Variants in RBFOX1 observed in about 807,000 individuals in gnomAD.
RBFOX1 encodes RNA binding protein fox-1 homolog 1.
Under a neutral mutation model 57.7 loss-of-function variants are expected in RBFOX1, and 8 were observed. The observed-to-expected ratio is 0.14, with a 90% CI of 0.08 to 0.25. RBFOX1 has a LOEUF of 0.25. RBFOX1 is among the 10% of genes least tolerant of loss of function. The pLI is 1.00. For synonymous variants in RBFOX1, 326 were observed against 222.4 expected, an observed-to-expected ratio of 1.47 and a Z score of -4.15; for missense variants, 611 against 548.5, an observed-to-expected ratio of 1.11 and a Z score of -1.14.
At chr16:7,262,780 G>C (rs528439838) in intron 4 of RBFOX1, among the ~76,000 whole-genome samples, 3 of 152,394 alleles carry the variant, frequency 2.0e-5, no homozygotes, top group Admixed American at 1.3e-4. Context: ...AAAGGCAGTT[G>C]TAAGCTCAGG....
intron 4 of RBFOX1, among the ~76,000 whole-genome samples, chr16:7,356,000 C>G (rs2097208221): frequency 6.6e-6 from 1 of 152,194 alleles, no homozygotes; most frequent in Non-Finnish European, 1.5e-5. Flanking sequence ...GGCCCATGCA[C>G]TGTGCTTTAT....
intron 4 of RBFOX1, among the ~76,000 whole-genome samples, chr16:7,201,908 G>C (rs1452708102): frequency 6.6e-6 from 1 of 152,208 alleles, no homozygotes; most frequent in Non-Finnish European, 1.5e-5. Context: ...TGGCAGAGGA[G>C]ATGTACGAGG....
intron 4 of RBFOX1, among the ~76,000 whole-genome samples, chr16:7,374,253 A>G (rs557661122): frequency 2.0e-5 from 3 of 152,282 alleles, no homozygotes; most frequent in South Asian, 4.1e-4. Flanking sequence ...CACATTTCTT[A>G]TCTTTTTCTG....
chr16:7,609,410 A>G (rs890804935), intron 10 of RBFOX1, among the ~76,000 whole-genome samples: 2 of 152,166 alleles, frequency 1.3e-5, no homozygotes, highest in Admixed American at 1.3e-4. Context: ...GTGGGTGTTG[A>G]GGAGGACATT....
chr16:7,588,369 G>C (rs1442774021), intron 7 of RBFOX1, among the ~76,000 whole-genome samples: 1 of 152,186 alleles, frequency 6.6e-6, no homozygotes, highest in Non-Finnish European at 1.5e-5. Context: ...AAACTCCCAA[G>C]TTAGGGCTCA....
intron 14 of RBFOX1, among the ~76,000 whole-genome samples, chr16:7,689,634 T>C (rs1172526994): frequency 6.6e-6 from 1 of 151,934 alleles, no homozygotes; most frequent in African/African-American, 2.4e-5. Context: ...GTTGGAGAAA[T>C]TTTGGAGTGG....
intron 3 of RBFOX1, among the ~76,000 whole-genome samples, chr16:6,987,119 G>A (rs2090461690): frequency 6.6e-6 from 1 of 152,022 alleles, no homozygotes; most frequent in South Asian, 2.1e-4. Context: ...GTCTTGTGTG[G>A]GTGTAGTGGG....
chr16:6,506,069 A>T (rs964514254), intron 2 of RBFOX1, among the ~76,000 whole-genome samples: 1 of 152,222 alleles, frequency 6.6e-6, no homozygotes, highest in Non-Finnish European at 1.5e-5. Flanking sequence ...GCAGTTAGCA[A>T]AGGTGCACCC....
intron 2 of RBFOX1, among the ~76,000 whole-genome samples, chr16:6,617,140 A>T (rs750705230): frequency 6.6e-6 from 1 of 152,066 alleles, no homozygotes; most frequent in Admixed American, 6.5e-5. Context: ...AAGTGGTACA[A>T]GGAGAGGTCC....
chr16:7,199,129 T>C (rs904824738), intron 4 of RBFOX1, among the ~76,000 whole-genome samples: 1 of 152,162 alleles, frequency 6.6e-6, no homozygotes, highest in African/African-American at 2.4e-5. Flanking sequence ...CAGCTCACAA[T>C]GTTAGGGACT....
At chr16:5,854,912 C>G (rs2056986441) in intron 3 of RBFOX1, among the ~76,000 whole-genome samples, 2 of 152,096 alleles carry the variant, frequency 1.3e-5, no homozygotes, top group African/African-American at 2.4e-5. Context: ...TTTTGGTAAC[C>G]CAGCCTAACA....
At chr16:6,481,783 A>G in intron 2 of RBFOX1, among the ~76,000 whole-genome samples, 1 of 152,338 alleles carries the variant, frequency 6.6e-6, no homozygotes, top group Middle Eastern at 3.4e-3. Flanking sequence ...CTTTATGGTT[A>G]TCTCAGCATC....
rs367922292 is a variant in RBFOX1 at position 6,967,425 on chromosome 16, A to G, written c.-15-84632A>G. ...GGGAAGGCCAGTTGAAGCCAGTTCC[A>G]AAAAGTAATGACATTTGGAGCTAGG... is the stretch of plus-strand genomic sequence containing the variant. On this transcript the variant is annotated intron_variant, in intron 3 of 15. Transcript: ENST00000550418. 2.5e-4 allele frequency among the ~76,000 whole-genome samples: 38 copies of G among 152,324 alleles called. 1 individual carries two copies. The South Asian group carries it at 7.5e-3, about 30-fold the overall frequency.
At chr16:6,847,455 T>C (rs2093817187) in intron 3 of RBFOX1, among the ~76,000 whole-genome samples, 1 of 151,970 alleles carries the variant, frequency 6.6e-6, no homozygotes, top group African/African-American at 2.4e-5. Flanking sequence ...TTCACAGCAA[T>C]GGGGAGCCAC....
At position 7,293,654 on chromosome 16, in the gene RBFOX1, C is replaced by T. The variant is rs116545685; in HGVS notation, c.28-224493C>T. Among the ~76,000 whole-genome samples, 365 of 152,250 alleles carry T rather than the reference C, an allele frequency of 2.4e-3. 1 individual carries two copies. The highest frequency in any genetic ancestry group is 7.8e-3 in the African/African-American group (324 of 41,536). ...GTGAATTGCAATTTGGGGACTAAAA[C>T]TTGGAATCCTAGAGATTGTCTGTTT... On this transcript the variant is annotated intron_variant, in intron 4 of 15. Coordinates refer to ENST00000550418, the MANE Select transcript of RBFOX1 (RefSeq NM_018723.4).
At chr16:6,379,561 G>A (rs1371065759) in intron 2 of RBFOX1, among the ~76,000 whole-genome samples, 9 of 151,958 alleles carry the variant, frequency 5.9e-5, no homozygotes, top group African/African-American at 1.9e-4. Flanking sequence ...AAAAACCGGG[G>A]TAGTGTTGGG....
chr16:7,293,359 C>T (rs1202464522), intron 4 of RBFOX1, among the ~76,000 whole-genome samples: 1 of 152,028 alleles, frequency 6.6e-6, no homozygotes, highest in Non-Finnish European at 1.5e-5. Context: ...ATTTTGGTGT[C>T]CTTGGAAGGT....
intron 1 of RBFOX1, among the ~76,000 whole-genome samples, chr16:6,130,823 A>G (rs1235507711): frequency 6.6e-6 from 1 of 152,170 alleles, no homozygotes; most frequent in Non-Finnish European, 1.5e-5. Context: ...AGGAAGATAT[A>G]ACAGCCCTAA....
At chr16:6,399,388 C>G (rs11643342) in intron 2 of RBFOX1, among the ~76,000 whole-genome samples, 34,972 of 152,168 alleles carry the variant, frequency 0.23, 4,670 homozygotes, top group Middle Eastern at 0.33. Flanking sequence ...GAAATCATGT[C>G]TCTCAAGGTC....
Sources: allele counts gnomAD v4.1 joint callset (sites outside exome capture counted in the v4.1 genomes callset), GRCh38; gene constraint gnomAD v4.1.1; transcripts MANE v1.5; gene names NCBI Gene and HGNC (gene_info 2026-07-23, HGNC 2026-07-21).